Variants in AUTS2 observed in about 807,000 individuals in gnomAD.
The protein encoded by AUTS2 is activator of transcription and developmental regulator AUTS2.
AUTS2 carries 17 observed loss-of-function variants against 112.4 expected under a neutral mutation model. That is an observed-to-expected ratio of 0.15 (90% CI 0.10 to 0.23). AUTS2 has a LOEUF of 0.23. Among genes scored for constraint, AUTS2 ranks in the 10% least tolerant of loss-of-function variants. AUTS2 has a pLI of 1.00. For missense variants in AUTS2, 1,510 were observed against 1,701.6 expected (o/e 0.89, Z 1.98); for synonymous variants, 751 against 702.7 (o/e 1.07, Z -1.09).
intron 5 of AUTS2, among the ~76,000 whole-genome samples, chr7:70,516,083 T>A (rs1283368845): frequency 6.6e-6 from 1 of 152,232 alleles, no homozygotes; most frequent in Non-Finnish European, 1.5e-5. Context: ...ATGAATTTTT[T>A]ATCAGCATTT....
At chr7:70,157,097 T>G (rs1807820360) in intron 4 of AUTS2, among the ~76,000 whole-genome samples, 1 of 151,502 alleles carries the variant, frequency 6.6e-6, no homozygotes, top group Non-Finnish European at 1.5e-5. Context: ...AAAAAGCAAG[T>G]GAAATTGACA....
At chr7:70,602,613 A>G (rs1334654587) in intron 5 of AUTS2, among the ~76,000 whole-genome samples, 1 of 152,202 alleles carries the variant, frequency 6.6e-6, no homozygotes, top group Admixed American at 6.5e-5. Flanking sequence ...GTATGCAGAG[A>G]GGTCAAAGTA....
chr7:69,950,726 G>T (rs1394197802), intron 2 of AUTS2, among the ~76,000 whole-genome samples: 1 of 152,104 alleles, frequency 6.6e-6, no homozygotes, highest in Non-Finnish European at 1.5e-5. Flanking sequence ...TGCTGTATAC[G>T]GATTTTCTAG....
intron 1 of AUTS2, among the ~76,000 whole-genome samples, chr7:69,863,083 T>C (rs984058405): frequency 6.6e-6 from 1 of 152,266 alleles, no homozygotes; most frequent in African/African-American, 2.4e-5. Context: ...GGGGTGGTGA[T>C]AGGGTGTACA....
At chr7:70,252,568 A>G (rs929537723) in intron 4 of AUTS2, among the ~76,000 whole-genome samples, 2 of 152,110 alleles carry the variant, frequency 1.3e-5, no homozygotes, top group Non-Finnish European at 2.9e-5. Context: ...AACTCTGCTA[A>G]TCGCTTTTTT....
At chr7:69,892,407 G>A (rs1416347273) in intron 1 of AUTS2, among the ~76,000 whole-genome samples, 1 of 151,914 alleles carries the variant, frequency 6.6e-6, no homozygotes, top group Admixed American at 6.6e-5. Flanking sequence ...GCCTCCTAAA[G>A]TGCTGGGATT....
intron 5 of AUTS2, among the ~76,000 whole-genome samples, chr7:70,658,865 G>A (rs1025524507): frequency 2.0e-5 from 3 of 152,166 alleles, no homozygotes; most frequent in African/African-American, 7.2e-5. Context: ...CAGACATATT[G>A]CAGAGCTAAT....
chr7:70,353,282 C>T (rs576078019), intron 4 of AUTS2, among the ~76,000 whole-genome samples: 1 of 152,260 alleles, frequency 6.6e-6, no homozygotes, highest in East Asian at 1.9e-4. Context: ...TGTTATATCT[C>T]TTTTTTCACT....
rs984062442 is a variant in AUTS2, at chr7:70,792,737, C to T, written c.*1741C>T. The stretch of plus-strand genomic sequence containing the variant: ...TATACGGACCTTTTTGCTGTTTATC[C>T]TGTATGTAATAAAGTCCTTTCTAGA... On this transcript the variant is annotated 3_prime_UTR_variant, in exon 19 of 19. Transcript: ENST00000342771. 6.6e-6 allele frequency: 1 copy of T among 152,204 alleles called. No individual in the cohort carries two copies. The highest frequency in any genetic ancestry group is 1.5e-5 in the Non-Finnish European group (1 of 67,994). The allele number at this position is 152,204 out of a possible 1,614,324, so 9.4% of individuals were successfully genotyped here.
intron 1 of AUTS2, among the ~76,000 whole-genome samples, chr7:69,800,161 A>C (rs1054252549): frequency 1.8e-4 from 27 of 152,160 alleles, no homozygotes; most frequent in South Asian, 4.1e-4. Context: ...GTTTCTGACT[A>C]TTCACTCCAG....
At chr7:70,504,546 C>G (rs915408277) in intron 5 of AUTS2, among the ~76,000 whole-genome samples, 2 of 152,050 alleles carry the variant, frequency 1.3e-5, no homozygotes, top group Non-Finnish European at 2.9e-5. Context: ...GTGAGTGATG[C>G]AGGAAGGAAG....
At chr7:70,537,904 A>G (rs1164450235) in intron 5 of AUTS2, among the ~76,000 whole-genome samples, 1 of 152,222 alleles carries the variant, frequency 6.6e-6, no homozygotes, top group Non-Finnish European at 1.5e-5. Flanking sequence ...GAATGCACGG[A>G]GGCCTGCAAG....
intron 4 of AUTS2, among the ~76,000 whole-genome samples, chr7:70,227,288 T>G (rs1478063038): frequency 1.3e-5 from 2 of 151,878 alleles, no homozygotes; most frequent in East Asian, 3.9e-4. Context: ...GGGCCTACTT[T>G]TTTCTGGTCA....
At chr7:70,426,805 A>C (rs1233477536) in intron 4 of AUTS2, among the ~76,000 whole-genome samples, 1 of 152,240 alleles carries the variant, frequency 6.6e-6, no homozygotes, top group Non-Finnish European at 1.5e-5. Flanking sequence ...TTGGCTTCCC[A>C]GGCAGAGAAG....
At chr7:69,904,130 G>T (rs1013207199) in intron 2 of AUTS2, among the ~76,000 whole-genome samples, 1 of 152,158 alleles carries the variant, frequency 6.6e-6, no homozygotes. Flanking sequence ...AGTGATAGTG[G>T]TGCTATAGAC....
At position 70,580,370 on chromosome 7, in the gene AUTS2, C is replaced by G. The variant is rs1400353330; in HGVS notation, c.691-118199C>G. Among the ~76,000 whole-genome samples the G allele has an allele frequency of 5.9e-5, 9 of 152,280 alleles. No homozygotes were observed. The East Asian group carries it at 1.5e-3, about 26-fold the overall frequency. ...AGGAGGCTGCTTCCTGCCGGTCCTCCCCCTCACCAGGTACCATGTTTCCTA... is the reference window on the plus strand; with the variant it reads ...AGGAGGCTGCTTCCTGCCGGTCCTCGCCCTCACCAGGTACCATGTTTCCTA... On this transcript the variant is annotated intron_variant, in intron 5 of 18. Coordinates refer to ENST00000342771, the MANE Select transcript of AUTS2 (RefSeq NM_015570.4).
chr7:70,688,703 T>C (rs554840765), intron 5 of AUTS2, among the ~76,000 whole-genome samples: 37 of 152,270 alleles, frequency 2.4e-4, no homozygotes, highest in African/African-American at 8.9e-4. Flanking sequence ...CGCATGCCCA[T>C]AGTCCCAGTA....
At chr7:69,975,303 A>G (rs953573578) in intron 2 of AUTS2, among the ~76,000 whole-genome samples, 7 of 152,084 alleles carry the variant, frequency 4.6e-5, no homozygotes, top group African/African-American at 1.4e-4. Flanking sequence ...TATCTTTAGC[A>G]AAGTTTAACT....
intron 4 of AUTS2, among the ~76,000 whole-genome samples, chr7:70,231,669 T>G (rs1357437544): frequency 6.6e-6 from 1 of 152,062 alleles, no homozygotes; most frequent in Non-Finnish European, 1.5e-5. Context: ...GATCTCAATC[T>G]CCTGACCTCG....
Sources: allele counts gnomAD v4.1 joint callset (sites outside exome capture counted in the v4.1 genomes callset), GRCh38; gene constraint gnomAD v4.1.1; transcripts MANE v1.5; gene names NCBI Gene and HGNC (gene_info 2026-07-23, HGNC 2026-07-21).